Variants in PARD6G observed in about 807,000 individuals in gnomAD.
PARD6G encodes the protein partitioning defective 6 homolog gamma.
In PARD6G, 7 loss-of-function variants were observed where a neutral mutation model predicts 10.7. The observed-to-expected ratio is 0.66, with a 90% confidence interval of 0.37 to 1.23. The LOEUF (loss-of-function observed/expected upper bound fraction) is 1.23. Ranked by LOEUF, PARD6G falls within the 50% of genes most tolerant of loss-of-function variation. PARD6G has a pLI of 0.02. For synonymous variants in PARD6G, 287 were observed against 269.4 expected, an observed-to-expected ratio of 1.07 and a Z score of -0.64; for missense variants, 548 against 571.8, an observed-to-expected ratio of 0.96 and a Z score of 0.42.
At chr18:80,225,368 G>A (rs1198563497) in intron 1 of PARD6G, among the ~76,000 whole-genome samples, 1 of 152,172 alleles carries the variant, frequency 6.6e-6, no homozygotes, top group Non-Finnish European at 1.5e-5. Context: ...CTCATGCAAA[G>A]GCCCATTGCC....
Position 80,202,844 on chromosome 18 carries a change from T to C in PARD6G, c.161A>G (p.His54Arg), listed in dbSNP as rs769815458. ...AATAGTTACATCACTGTTGGAGATATGGTGGGTGTGCACAACCAGCTTGTA... is the reference window on the plus strand; with the variant it reads ...AATAGTTACATCACTGTTGGAGATACGGTGGGTGTGCACAACCAGCTTGTA... ...DFYKLVVHTH[H>R]ISNSDVTIGY... is the part of the protein sequence containing the mutation. Residue 54 changes from histidine to arginine, a missense_variant, in exon 2 of 3, where the codon CAT becomes CGT. Transcript: ENST00000353265. 1.7e-5 allele frequency: 28 copies of C among 1,612,504 alleles called. No homozygotes were observed. Among genetic ancestry groups the C allele is most frequent in the South Asian group, 2.2e-5 (2 of 91,042 alleles).
At chr18:80,220,464 A>T (rs114004600) in intron 1 of PARD6G, among the ~76,000 whole-genome samples, 224 of 152,338 alleles carry the variant, frequency 1.5e-3, no homozygotes, top group African/African-American at 5.2e-3. Context: ...AAACTAAGGA[A>T]ATCTGAATAA....
At chr18:80,166,229 C>T (rs2052735107) in intron 2 of PARD6G, among the ~76,000 whole-genome samples, 1 of 151,910 alleles carries the variant, frequency 6.6e-6, no homozygotes. Flanking sequence ...AGCTCATGGA[C>T]ACCGTATGGT....
chr18:80,207,868 A>G (rs1041566234), intron 1 of PARD6G, among the ~76,000 whole-genome samples: 4 of 152,240 alleles, frequency 2.6e-5, no homozygotes, highest in African/African-American at 9.6e-5. Context: ...TTAGAATAAA[A>G]TATTAGGACA....
chr18:80,220,762 A>G (rs1351975662), intron 1 of PARD6G, among the ~76,000 whole-genome samples: 1 of 152,048 alleles, frequency 6.6e-6, no homozygotes, highest in Non-Finnish European at 1.5e-5. Context: ...AGGTGCACAC[A>G]ACCATGCCTG....
intron 2 of PARD6G, among the ~76,000 whole-genome samples, chr18:80,173,648 G>C (rs1407883783): frequency 1.3e-5 from 2 of 152,126 alleles, no homozygotes; most frequent in Non-Finnish European, 2.9e-5. Flanking sequence ...GCAAACCCTG[G>C]GGAGACCCCA....
At position 80,189,421 on chromosome 18, in the gene PARD6G, G is replaced by A. The variant is rs2052895845; in HGVS notation, c.295+13289C>T. The A allele has an allele frequency of 1.3e-5, 2 of 152,278 alleles. No homozygotes were observed. The highest frequency in any genetic ancestry group is 2.9e-5 in the Non-Finnish European group (2 of 68,074). 9.4% of individuals were successfully genotyped at this position (152,278 alleles called of 1,614,324 possible). A position where few individuals can be genotyped will look rare whatever the true frequency, so the allele number is the denominator to read the frequency against. On this transcript the variant is annotated intron_variant, in intron 2 of 2. Transcript: ENST00000353265. The surrounding 1 kb of genome is among the most constrained non-coding windows in gnomAD (Gnocchi z 5.5). The stretch of plus-strand genomic sequence containing the variant: ...ACCGTATCTCTGGATGATAAGCTGA[G>A]TCCAACACAAACACAACAGTAAGCC...
chr18:80,160,599 G>A lies in PARD6G; in HGVS notation c.303C>T (p.Ala101=), dbSNP rs750517301. ...AGCCCGCGCCGAGGCTGCCACGCTC[G>A]GCCTCCTCTGCGGGAGAGGGGACAG... ...LRVFIQKREE[A]ERGSLGAGSL... The change falls in exon 3 of 3, where the codon GCC becomes GCT. Residue 101 remains alanine (A), a synonymous_variant. Transcript: ENST00000353265. 5 of 1,445,814 alleles carry A rather than the reference G, an allele frequency of 3.5e-6. No individual in the cohort carries two copies. The highest frequency in any genetic ancestry group is 3.6e-6 in the Non-Finnish European group (4 of 1,104,108). The allele number at this position is 1,445,814 out of a possible 1,614,324, so 89.6% of individuals were successfully genotyped here.
chr18:80,161,162 C>T lies in PARD6G; in HGVS notation c.296-556G>A, dbSNP rs1258360465. Among the ~76,000 whole-genome samples the T allele has an allele frequency of 1.3e-5, 2 of 152,132 alleles. No homozygotes were observed. The highest frequency in any genetic ancestry group is 6.5e-5 in the Admixed American group (1 of 15,276). On this transcript the variant is annotated intron_variant, in intron 2 of 2. Coordinates refer to ENST00000353265, the MANE Select transcript of PARD6G (RefSeq NM_032510.4). The surrounding 1 kb of genome is among the most constrained non-coding windows in gnomAD (Gnocchi z 4.6). ...AGTCGGGCGTGTGAGCATTTCCCTG[C>T]GTTTTTGGTTAGCAGCTGATGAGGG...
chr18:80,203,212 TGA>T (rs1967025614), intron 1 of PARD6G, among the ~76,000 whole-genome samples: 1 of 152,236 alleles, frequency 6.6e-6, no homozygotes, highest in South Asian at 2.1e-4. Flanking sequence ...TTCAGTTCTC[TGA>T]GATATCTCAT....
At chr18:80,174,736 C>T (rs910992302) in intron 2 of PARD6G, among the ~76,000 whole-genome samples, 16 of 151,902 alleles carry the variant, frequency 1.1e-4, no homozygotes, top group African/African-American at 3.1e-4. Context: ...GGGCGGATCA[C>T]GAGGTCAGGA....
At chr18:80,217,771 G>C (rs1366079969) in intron 1 of PARD6G, among the ~76,000 whole-genome samples, 3 of 152,144 alleles carry the variant, frequency 2.0e-5, no homozygotes, top group Non-Finnish European at 4.4e-5. Context: ...GCTGCTATAA[G>C]GACATACCTG....
intron 1 of PARD6G, among the ~76,000 whole-genome samples, chr18:80,243,466 A>G (rs891492492): frequency 6.6e-6 from 1 of 152,188 alleles, no homozygotes; most frequent in Non-Finnish European, 1.5e-5. Flanking sequence ...GAGAGCTACC[A>G]ATGGTGTTGG....
At chr18:80,195,572 T>TATATATATATATATATATAC (rs894731117) in intron 2 of PARD6G, among the ~76,000 whole-genome samples, 54 of 87,306 alleles carry the variant, frequency 6.2e-4, no homozygotes, top group African/African-American at 1.6e-3. Context: ...TATATATATA[T>TATATATATATATATATATAC]ACACACATTT....
chr18:80,161,156 T>A lies in PARD6G; in HGVS notation c.296-550A>T, dbSNP rs190832849. On this transcript the variant is annotated intron_variant, in intron 2 of 2. Coordinates refer to ENST00000353265, the MANE Select transcript of PARD6G (RefSeq NM_032510.4). This position sits in a 1 kb window ranked among gnomAD's most constrained non-coding sequence, Gnocchi z 4.6. ...TCACTCAGTCGGGCGTGTGAGCATT[T>A]CCCTGCGTTTTTGGTTAGCAGCTGA... Among the ~76,000 whole-genome samples, 1 of 152,294 alleles carries A rather than the reference T, an allele frequency of 6.6e-6. No individual in the cohort carries two copies. Among genetic ancestry groups the A allele is most frequent in the East Asian group, 1.9e-4 (1 of 5,178 alleles).
intron 1 of PARD6G, among the ~76,000 whole-genome samples, chr18:80,217,297 C>A (rs934042750): frequency 5.3e-5 from 8 of 152,112 alleles, no homozygotes; most frequent in Admixed American, 2.0e-4. Flanking sequence ...ACAGGTCTAC[C>A]ATACAGAAGA....
intron 2 of PARD6G, among the ~76,000 whole-genome samples, chr18:80,186,255 C>CGCAT (rs2052876558): frequency 6.7e-6 from 1 of 148,290 alleles, no homozygotes. Flanking sequence ...TCCTCACACA[C>CGCAT]ATGCACCCAC....
chr18:80,177,972 T>TACACACACACACACACACACACACAC (rs3028716), intron 2 of PARD6G: 1 of 151,938 alleles, frequency 6.6e-6, no homozygotes, highest in African/African-American at 2.5e-5. Flanking sequence ...AGCGTGTGCA[T>TACACACACACACACACACACACACAC]ACACACACAC....
chr18:80,159,638 CG>C lies in PARD6G; in HGVS notation c.*132del. The C allele has an allele frequency of 7.9e-7, 1 of 1,263,346 alleles. No individual in the cohort carries two copies. Among genetic ancestry groups the C allele is most frequent in the East Asian group, 3.2e-5 (1 of 31,184 alleles). 78.3% of individuals were successfully genotyped at this position (1,263,346 alleles called of 1,614,324 possible). On this transcript the variant is annotated 3_prime_UTR_variant, in exon 3 of 3. Coordinates refer to ENST00000353265, the MANE Select transcript of PARD6G (RefSeq NM_032510.4). ...TAGGCAATACTTGTGTTTTTATATC[CG>C]GAAGTTGAAACAAAGAGCAGCGTTG...
Sources: allele counts gnomAD v4.1 joint callset (sites outside exome capture counted in the v4.1 genomes callset), GRCh38; gene constraint gnomAD v4.1.1; non-coding constraint Gnocchi (gnomAD v3.1); transcripts MANE v1.5; gene names NCBI Gene and HGNC (gene_info 2026-07-23, HGNC 2026-07-21).